Variants in PLA2G4E observed in about 807,000 individuals in gnomAD.
PLA2G4E encodes the protein phospholipase A2 group IVE, also known as cytosolic phospholipase A2 epsilon.
A neutral mutation model predicts 109.1 loss-of-function variants in PLA2G4E; 84 were observed. The observed-to-expected ratio is 0.77, with a 90% confidence interval of 0.65 to 0.92. The LOEUF (loss-of-function observed/expected upper bound fraction) is 0.92, where lower values mean the gene tolerates loss of function less well. Among genes scored for constraint, PLA2G4E ranks in the 40% least tolerant of loss-of-function variants. The pLI, the probability that PLA2G4E is intolerant of heterozygous loss-of-function variation, is 0.00. For synonymous variants in PLA2G4E, 469 were observed against 436.1 expected, an observed-to-expected ratio of 1.08 and a Z score of -0.94; for missense variants, 1,057 against 1,076.6, an observed-to-expected ratio of 0.98 and a Z score of 0.25.
chr15:42,049,943 T>C (rs1311383462), intron 1 of PLA2G4E, among the ~76,000 whole-genome samples: 3 of 152,200 alleles, frequency 2.0e-5, no homozygotes, highest in Non-Finnish European at 4.4e-5. Context: ...CCCACTCAAT[T>C]TACCAGATGG....
intron 5 of PLA2G4E, among the ~76,000 whole-genome samples, chr15:42,004,509 T>C (rs1372497114): frequency 6.6e-6 from 1 of 152,050 alleles, no homozygotes; most frequent in East Asian, 1.9e-4. Flanking sequence ...GCTGCAGAGT[T>C]GGCTGCTTGC....
At chr15:42,023,010 G>T (rs1359166272) in intron 1 of PLA2G4E, among the ~76,000 whole-genome samples, 1 of 152,132 alleles carries the variant, frequency 6.6e-6, no homozygotes, top group Non-Finnish European at 1.5e-5. Flanking sequence ...CTAGGAGGAA[G>T]AGAGAGGCAT....
intron 1 of PLA2G4E, among the ~76,000 whole-genome samples, chr15:42,047,977 C>T (rs752124892): frequency 3.9e-5 from 6 of 152,136 alleles, no homozygotes; most frequent in Non-Finnish European, 7.3e-5. Context: ...TAGGCTAACC[C>T]CCCTCCCGGG....
chr15:41,992,674 G>C, intron 13 of PLA2G4E, 63 bp downstream of exon 13: 1 of 1,514,136 alleles, frequency 6.6e-7, no homozygotes. Context: ...ACTCCCCTGA[G>C]GAAGAAAGAG....
At chr15:42,005,904 A>AC in intron 4 of PLA2G4E, 86 bp downstream of exon 4, 1 of 1,482,842 alleles carries the variant, frequency 6.7e-7, no homozygotes, top group Non-Finnish European at 9.3e-7. Context: ...CACAGAGAAG[A>AC]CCCTGGGGAA....
chr15:42,024,501 C>A (rs1337754349), intron 1 of PLA2G4E, among the ~76,000 whole-genome samples: 3 of 152,196 alleles, frequency 2.0e-5, no homozygotes, highest in Non-Finnish European at 4.4e-5. Flanking sequence ...GGTGACCAGG[C>A]ACTGCCTCTG....
At chr15:41,989,595 GAGCCGTCCACAC>G in intron 14 of PLA2G4E, 43 bp from the exon 15 acceptor site, 1 of 1,586,698 alleles carries the variant, frequency 6.3e-7, no homozygotes. Flanking sequence ...TCAGGCCAGG[GAGCCGTCCACAC>G]AGCCGGGCCC....
chr15:42,000,141 A>G lies in PLA2G4E; in HGVS notation c.815T>C (p.Val272Ala), dbSNP rs199725714. 8.9e-5 allele frequency: 142 copies of G among 1,594,402 alleles called. No homozygotes were observed. The African/African-American group carries it at 1.6e-3, about 18-fold the overall frequency. ...GTGACTCTTGGGCACTTCCACGTGC[A>G]CCTGGGACTGGAAGTACTTGGGGTA... The change falls in exon 8 of 20, where the codon GTG (valine) becomes GCG (alanine). Residue 272 changes from valine to alanine, a missense_variant. By Grantham distance (64) the Val-to-Ala change is moderately conservative (BLOSUM62 0). Coordinates refer to ENST00000399518, the Ensembl canonical transcript of PLA2G4E.
rs2068171320 is a variant in PLA2G4E, at chr15:41,987,922, AAGCCGGGGGCCGCCCCCC to A, written c.1831+109_1831+126del. 1.4e-5 allele frequency: 8 copies of A among 560,384 alleles called. No individual in the cohort carries two copies. The African/African-American group carries it at 1.6e-4, about 11-fold the overall frequency. 34.7% of individuals were successfully genotyped at this position (560,384 alleles called of 1,614,324 possible). A position where few individuals can be genotyped will look rare whatever the true frequency, so the allele number is the denominator to read the frequency against. On this transcript the variant is annotated intron_variant, in intron 16 of 19. Transcript: ENST00000399518. ...CCCCCCATCACCCAGCCATGAGGGA[AAGCCGGGGGCCGCCCCCC>A]ATCACCCAGCCATGAGGGAAAGCCG...
intron 17 of PLA2G4E, chr15:41,986,936 A>G (rs1013630867): frequency 5.3e-6 from 3 of 566,886 alleles, no homozygotes; most frequent in East Asian, 3.0e-5. Flanking sequence ...CAGATTCTGT[A>G]TAGAATGACT....
At chr15:42,046,201 A>G (rs1246897389) in intron 1 of PLA2G4E, among the ~76,000 whole-genome samples, 2 of 152,208 alleles carry the variant, frequency 1.3e-5, no homozygotes, top group East Asian at 1.9e-4. Context: ...CAGGAAATCC[A>G]TGCTCCACAA....
intron 1 of PLA2G4E, among the ~76,000 whole-genome samples, chr15:42,018,856 G>A (rs2068621450): frequency 6.6e-6 from 1 of 152,172 alleles, no homozygotes; most frequent in Non-Finnish European, 1.5e-5. Flanking sequence ...TGGCTATGAT[G>A]CAATCCAATG....
chr15:42,010,799 GTC>G (rs1299306154), intron 2 of PLA2G4E, among the ~76,000 whole-genome samples: 1 of 152,198 alleles, frequency 6.6e-6, no homozygotes, highest in Non-Finnish European at 1.5e-5. Context: ...AGGCCTGATT[GTC>G]TCTCAGTCCT....
intron 2 of PLA2G4E, chr15:42,010,135 C>CCCT (rs771794934): frequency 8.6e-6 from 4 of 467,730 alleles, no homozygotes; most frequent in African/African-American, 2.3e-5. Context: ...AACACTGGCC[C>CCCT]CCCCACCCCG....
rs562195091 is a variant in PLA2G4E, at chr15:41,990,363, C to T, written c.1471-128G>A. 4.4e-5 allele frequency: 35 copies of T among 799,924 alleles called. No individual in the cohort carries two copies. The Middle Eastern group carries it at 1.1e-3, about 26-fold the overall frequency. 49.6% of individuals were successfully genotyped at this position (799,924 alleles called of 1,614,324 possible). Reference sequence around the variant, plus strand: ...TCCTGAGCTCACCGGGCTGCTGTATCGGCCCCAGCTGACACCAGCCAAATC... The same window carrying T: ...TCCTGAGCTCACCGGGCTGCTGTATTGGCCCCAGCTGACACCAGCCAAATC... On this transcript the variant is annotated intron_variant, in intron 13 of 19. Transcript: ENST00000399518.
intron 16 of PLA2G4E, among the ~76,000 whole-genome samples, chr15:41,987,689 G>A (rs1255340813): frequency 1.3e-5 from 2 of 152,124 alleles, no homozygotes; most frequent in Non-Finnish European, 2.9e-5. Flanking sequence ...CTGGGTGCTG[G>A]CAGCCTTGCC....
intron 1 of PLA2G4E, among the ~76,000 whole-genome samples, chr15:42,035,861 C>A (rs1325344872): frequency 2.0e-5 from 3 of 152,164 alleles, no homozygotes; most frequent in African/African-American, 7.2e-5. Flanking sequence ...GAATTCATGT[C>A]TATCACTCCC....
intron 4 of PLA2G4E, 117 bp downstream of exon 4, chr15:42,005,873 T>C: frequency 1.6e-6 from 2 of 1,275,694 alleles, no homozygotes; most frequent in Non-Finnish European, 2.1e-6. Context: ...CAGCACCATC[T>C]TTTCTCAACT....
chr15:41,987,054 C>T, intron 17 of PLA2G4E, 118 bp downstream of exon 17: 1 of 1,046,464 alleles, frequency 9.6e-7, no homozygotes, highest in Non-Finnish European at 1.4e-6. Context: ...AGAGAGGTGC[C>T]TGGCCCAGTG....
Sources: gnomAD v4.1 joint callset for allele counts (sites outside exome capture counted in the v4.1 genomes callset) on GRCh38, gnomAD v4.1.1 for gene constraint, MANE v1.5 for transcripts, NCBI Gene and HGNC (gene_info 2026-07-23, HGNC 2026-07-21) for gene names.